The following TEX2 variants were observed in gnomAD, a reference collection of about 807,000 sequenced individuals.
TEX2 encodes the protein testis-expressed protein 2.
Under a neutral mutation model 106.9 loss-of-function variants are expected in TEX2, and 53 were observed. The observed-to-expected ratio is 0.50, with a 90% CI of 0.40 to 0.62. The LOEUF (loss-of-function observed/expected upper bound fraction) is 0.62, where lower values mean the gene tolerates loss of function less well. Among genes scored for constraint, TEX2 ranks in the 20% least tolerant of loss-of-function variants. The pLI is 0.00. For synonymous variants in TEX2, 523 were observed against 534.8 expected (o/e 0.98, Z 0.30); for missense variants, 1,207 against 1,379.0 (o/e 0.88, Z 1.98).
intron 1 of TEX2, among the ~76,000 whole-genome samples, chr17:64,225,096 AC>A (rs1555633719): frequency 6.6e-6 from 1 of 152,072 alleles, no homozygotes; most frequent in Non-Finnish European, 1.5e-5. Context: ...TCTGGGAATA[AC>A]TTTTTTTTTT....
intron 1 of TEX2, among the ~76,000 whole-genome samples, chr17:64,215,767 C>T (rs1164096550): frequency 6.6e-6 from 1 of 152,194 alleles, no homozygotes; most frequent in African/African-American, 2.4e-5. Flanking sequence ...CTACCACAAT[C>T]GACATTATGT....
At chr17:64,263,084 C>G (rs1238329883) in intron 1 of TEX2, 84 bp downstream of exon 1, 4 of 152,364 alleles carry the variant, frequency 2.6e-5, no homozygotes, top group African/African-American at 9.7e-5. Context: ...ACTTTGAAGC[C>G]CGCGGGGTCG....
rs186803249 is a variant in TEX2 at position 64,220,757 on chromosome 17, T to C, written c.-25-6515A>G. Among the ~76,000 whole-genome samples, 8 of 152,306 alleles carry C rather than the reference T, an allele frequency of 5.3e-5. No individual in the cohort carries two copies. In the East Asian group the frequency reaches 1.3e-3, roughly 26 times the overall value. On this transcript the variant is annotated intron_variant, in intron 1 of 11. Coordinates refer to ENST00000584379, the MANE Select transcript of TEX2 (RefSeq NM_001288732.2). The stretch of plus-strand genomic sequence containing the variant: ...AATGCTTTTACACTGTTGGTGGGAA[T>C]ATAAATTAGTTCAACCATTGTGGAA...
chr17:64,250,871 T>C (rs1225155807), intron 1 of TEX2, among the ~76,000 whole-genome samples: 2 of 152,074 alleles, frequency 1.3e-5, no homozygotes, highest in Non-Finnish European at 2.9e-5. Context: ...TTTTTTATTT[T>C]TGTAGAGACA....
At chr17:64,186,953 C>A (rs2032098660) in intron 5 of TEX2, among the ~76,000 whole-genome samples, 1 of 152,312 alleles carries the variant, frequency 6.6e-6, no homozygotes, top group African/African-American at 2.4e-5. Context: ...TTCAGAATAA[C>A]CCAGCAAAAT....
At chr17:64,218,615 C>T (rs2033261469) in intron 1 of TEX2, among the ~76,000 whole-genome samples, 1 of 151,960 alleles carries the variant, frequency 6.6e-6, no homozygotes. Flanking sequence ...AATGGGGTTT[C>T]ACCATATTGG....
At chr17:64,171,600 C>T (rs1048500541) in intron 6 of TEX2, among the ~76,000 whole-genome samples, 10 of 152,020 alleles carry the variant, frequency 6.6e-5, no homozygotes, top group Non-Finnish European at 1.0e-4. Flanking sequence ...GGAGAAGGAG[C>T]CAGCCATGCT....
chr17:64,178,838 T>C (rs1246064340), intron 5 of TEX2, among the ~76,000 whole-genome samples: 2 of 152,266 alleles, frequency 1.3e-5, no homozygotes, highest in African/African-American at 4.8e-5. Flanking sequence ...GTGCCAGTGC[T>C]ATCCATTCTG....
chr17:64,188,636 G>GA (rs1369629113), intron 4 of TEX2, among the ~76,000 whole-genome samples: 6 of 152,018 alleles, frequency 3.9e-5, no homozygotes, highest in African/African-American at 1.5e-4. Context: ...CTAACACAGT[G>GA]AAACCCCATC....
At chr17:64,207,018 T>A (rs1040239527) in intron 2 of TEX2, among the ~76,000 whole-genome samples, 1 of 152,226 alleles carries the variant, frequency 6.6e-6, no homozygotes, top group African/African-American at 2.4e-5. Context: ...TGTCATCCCA[T>A]AAATGTATCA....
At chr17:64,181,279 A>T (rs11649713) in intron 5 of TEX2, among the ~76,000 whole-genome samples, 1 of 151,684 alleles carries the variant, frequency 6.6e-6, no homozygotes, top group Non-Finnish European at 1.5e-5. Context: ...AGATTGAGAC[A>T]ATCTTGGCCA....
intron 1 of TEX2, among the ~76,000 whole-genome samples, chr17:64,241,297 C>T (rs1198244285): frequency 2.0e-5 from 3 of 152,226 alleles, no homozygotes; most frequent in Admixed American, 1.3e-4. Flanking sequence ...CTTTGAACTG[C>T]GGCCAAGAGG....
chr17:64,253,461 G>A (rs1353849994), intron 1 of TEX2, among the ~76,000 whole-genome samples: 1 of 151,774 alleles, frequency 6.6e-6, no homozygotes, highest in African/African-American at 2.4e-5. Flanking sequence ...CACCATGCCC[G>A]GCCATGATAG....
In TEX2 at chr17:64,205,136, T is replaced by C. The variant is rs2032788656; in HGVS notation, c.1644+7438A>G. Among the ~76,000 whole-genome samples, 2 of 152,106 alleles carry C rather than the reference T, an allele frequency of 1.3e-5. No individual in the cohort carries two copies. The highest frequency in any genetic ancestry group is 4.8e-5 in the African/African-American group (2 of 41,422). ...AACACAAGGGGTACCTTCTGGTAAG[T>C]GAGGGCTGCCTGCATCAAAACATCT... On this transcript the variant is annotated intron_variant, in intron 2 of 11. Coordinates refer to ENST00000584379, the MANE Select transcript of TEX2 (RefSeq NM_001288732.2). This position sits in a 1 kb window ranked among gnomAD's most constrained non-coding sequence, Gnocchi z 4.0.
intron 1 of TEX2, among the ~76,000 whole-genome samples, chr17:64,223,154 G>A (rs12453737): frequency 0.032 from 4,812 of 152,208 alleles, 126 homozygotes; most frequent in South Asian, 0.1. Context: ...TGCGCTCTGT[G>A]TCAGTGGAGT....
Position 64,161,980 on chromosome 17 carries a change from T to G in TEX2, c.2672-1047A>C, listed in dbSNP as rs375982893. Among the ~76,000 whole-genome samples, 20 of 152,244 alleles carry G rather than the reference T, an allele frequency of 1.3e-4. No individual in the cohort carries two copies. In the East Asian group the frequency reaches 3.3e-3, roughly 25 times the overall value. On this transcript the variant is annotated intron_variant, in intron 7 of 11. Transcript: ENST00000584379. ...GCCCATCCCCTACACGGCCACCACCTCAGATAAAACCACTGCTTAACCCCA... is the reference window on the plus strand; with the variant it reads ...GCCCATCCCCTACACGGCCACCACCGCAGATAAAACCACTGCTTAACCCCA...
rs758808564 is a variant in TEX2, at chr17:64,193,660, C to CT, written c.2074dup (p.Arg692LysfsTer11). On this transcript the variant is annotated frameshift_variant, in exon 4 of 12. Transcript: ENST00000584379. LOFTEE classifies it high-confidence loss of function. ...CCATTCCTCTTTTTCTCGGCCAGTT[C>CT]TCCCAAAGAGATAGAGTATCTGATC... is the stretch of plus-strand genomic sequence containing the variant. 3 of 1,570,196 alleles carry CT rather than the reference C, an allele frequency of 1.9e-6. No individual in the cohort carries two copies. The highest frequency in any genetic ancestry group is 2.6e-6 in the Non-Finnish European group (3 of 1,157,666).
Position 64,160,865 on chromosome 17 carries a change from A to G in TEX2, c.2740T>C (p.Leu914=). The change falls in exon 8 of 12, where the codon TTG becomes CTG. Residue 914 remains leucine, a synonymous_variant. Coordinates refer to ENST00000584379, the MANE Select transcript of TEX2 (RefSeq NM_001288732.2). ...AGAGGCTCTTTACCTAGTTTGGTCAAATTCATTTTGGTCTCGAGAGTCATC... is the reference window on the plus strand; with the variant it reads ...AGAGGCTCTTTACCTAGTTTGGTCAGATTCATTTTGGTCTCGAGAGTCATC... ...FLMTLETKMN[L]TKLGKEPLVE... The G allele has an allele frequency of 6.2e-7, 1 of 1,614,102 alleles. No individual in the cohort carries two copies. Among genetic ancestry groups the G allele is most frequent in the Non-Finnish European group, 8.5e-7 (1 of 1,179,996 alleles).
intron 5 of TEX2, among the ~76,000 whole-genome samples, chr17:64,184,786 C>G (rs2032013923): frequency 6.6e-6 from 1 of 152,176 alleles, no homozygotes; most frequent in Non-Finnish European, 1.5e-5. Flanking sequence ...AGGGCCAGCT[C>G]CATTCTCTTG....
Sources: allele counts gnomAD v4.1 joint callset (sites outside exome capture counted in the v4.1 genomes callset), GRCh38; gene constraint gnomAD v4.1.1; non-coding constraint Gnocchi (gnomAD v3.1); transcripts MANE v1.5; gene names NCBI Gene and HGNC (gene_info 2026-07-23, HGNC 2026-07-21).